Variants in SLC12A2 observed in about 807,000 individuals in gnomAD.
SLC12A2 encodes the protein Na-K-2Cl cotransporter 1.
A neutral mutation model predicts 136.3 loss-of-function variants in SLC12A2; 67 were observed. The ratio of observed to expected loss-of-function variants is 0.49; its 90% CI spans 0.40 to 0.60. SLC12A2 has a LOEUF of 0.60. Ranked by LOEUF, SLC12A2 falls within the 20% of genes least tolerant of loss-of-function variation. The pLI is 0.00. For synonymous variants in SLC12A2, 619 were observed against 562.9 expected, an observed-to-expected ratio of 1.10 and a Z score of -1.41; for missense variants, 1,322 against 1,534.7, an observed-to-expected ratio of 0.86 and a Z score of 2.32.
At chr5:128,100,949 T>C (rs1397829526) in intron 1 of SLC12A2, among the ~76,000 whole-genome samples, 1 of 152,180 alleles carries the variant, frequency 6.6e-6, no homozygotes, top group Non-Finnish European at 1.5e-5. Flanking sequence ...CATGATGGGC[T>C]AGGTAGAGGA....
chr5:128,164,733 T>TAGG (rs1403981826), intron 17 of SLC12A2, among the ~76,000 whole-genome samples: 1 of 152,192 alleles, frequency 6.6e-6, no homozygotes, highest in Admixed American at 6.5e-5. Flanking sequence ...TTACTGGACT[T>TAGG]ACCCTCAATT....
intron 1 of SLC12A2, among the ~76,000 whole-genome samples, chr5:128,097,881 A>G (rs1760602588): frequency 6.6e-6 from 1 of 152,090 alleles, no homozygotes; most frequent in Non-Finnish European, 1.5e-5. Context: ...TCAGTTGGCA[A>G]CAAGTTCTCT....
chr5:128,166,255 T>C (rs1763200969), intron 17 of SLC12A2, among the ~76,000 whole-genome samples: 1 of 151,938 alleles, frequency 6.6e-6, no homozygotes, highest in South Asian at 2.1e-4. Context: ...ATTAGTGACA[T>C]AAATATGAGA....
intron 4 of SLC12A2, among the ~76,000 whole-genome samples, chr5:128,123,803 C>G (rs1761678436): frequency 1.3e-5 from 2 of 152,124 alleles, no homozygotes; most frequent in African/African-American, 4.8e-5. Context: ...ATGTCCAGTT[C>G]ATCACTTTTT....
intron 10 of SLC12A2, among the ~76,000 whole-genome samples, chr5:128,143,919 T>G (rs1196895393): frequency 6.7e-6 from 1 of 149,686 alleles, no homozygotes; most frequent in South Asian, 2.1e-4. Flanking sequence ...ATAAAATTAT[T>G]TATTATAAAT....
rs772020709 is a variant in SLC12A2, at chr5:128,174,570, C to G, written c.2833C>G (p.Pro945Ala). The G allele has an allele frequency of 1.2e-6, 2 of 1,608,078 alleles. No individual in the cohort carries two copies. The highest frequency in any genetic ancestry group is 8.5e-7 in the Non-Finnish European group (1 of 1,176,434). Residue 945 changes from proline to alanine, a missense_variant, in exon 20 of 27, where the codon CCT (proline) becomes GCT (alanine). By Grantham distance (27) the Pro-to-Ala change is conservative. Around this residue, in one of 8 missense-constraint regions of SLC12A2, gnomAD observed 226 missense variants for 210.4 expected, o/e 1.07. Transcript: ENST00000262461. ...ATTATTGTCATCACAAGAGAAATCTCCTGGCACCAAGGATGTGGTAGTAAG... is the reference window on the plus strand; with the variant it reads ...ATTATTGTCATCACAAGAGAAATCTGCTGGCACCAAGGATGTGGTAGTAAG... ...EELLSSQEKS[P>A]GTKDVVVSVE...
Position 128,084,514 on chromosome 5 carries a change from CCGGCGG to C in SLC12A2, c.571_576del (p.Gly191_Gly192del), listed in dbSNP as rs751759733. On this transcript the variant is annotated inframe_deletion, in exon 1 of 27. Coordinates refer to ENST00000262461, the MANE Select transcript of SLC12A2 (RefSeq NM_001046.3). This position sits in a 1 kb window ranked among gnomAD's most constrained non-coding sequence, Gnocchi z 5.6. Reference sequence around the variant, plus strand: ...CTGAGCGAGGGCAGCAGCCTGCACTCCGGCGGCGGCGGCGGCAGTGGGCACCACCAG... The same window carrying C: ...CTGAGCGAGGGCAGCAGCCTGCACTCCGGCGGCGGCAGTGGGCACCACCAG... The C allele has an allele frequency of 6.2e-7, 1 of 1,606,188 alleles. No homozygotes were observed. The highest frequency in any genetic ancestry group is 1.7e-5 in the Admixed American group (1 of 59,432).
At chr5:128,149,123 A>G (rs1762618727) in intron 12 of SLC12A2, among the ~76,000 whole-genome samples, 1 of 151,790 alleles carries the variant, frequency 6.6e-6, no homozygotes, top group South Asian at 2.1e-4. Context: ...TGATAATGGC[A>G]TAAGGGAAAG....
At chr5:128,127,410 C>T (rs1008179431) in intron 4 of SLC12A2, among the ~76,000 whole-genome samples, 5 of 151,974 alleles carry the variant, frequency 3.3e-5, no homozygotes, top group South Asian at 2.1e-4. Context: ...CGTGAGCCAC[C>T]GTGCCTAGCC....
At chr5:128,142,052 C>G (rs2126712594) in intron 10 of SLC12A2, 71 bp downstream of exon 10, 2 of 1,276,196 alleles carry the variant, frequency 1.6e-6, no homozygotes, top group South Asian at 2.6e-5. Flanking sequence ...CAAATATGAC[C>G]ATTCAGAATA....
At chr5:128,184,061 G>A (rs1053876669) in intron 24 of SLC12A2, among the ~76,000 whole-genome samples, 1 of 151,984 alleles carries the variant, frequency 6.6e-6, no homozygotes, top group African/African-American at 2.4e-5. Context: ...ATGTTCCACT[G>A]AGCATTTCCA....
At chr5:128,172,562 G>A (rs1487401692) in intron 19 of SLC12A2, among the ~76,000 whole-genome samples, 2 of 152,166 alleles carry the variant, frequency 1.3e-5, no homozygotes, top group African/African-American at 4.8e-5. Context: ...ATTTTGACAT[G>A]TCAAGAATGG....
At chr5:128,151,044 T>TA (rs1273005484) in intron 13 of SLC12A2, among the ~76,000 whole-genome samples, 197 bp from the exon 14 acceptor site, 3 of 151,980 alleles carry the variant, frequency 2.0e-5, no homozygotes, top group Non-Finnish European at 4.4e-5. Flanking sequence ...TACCTTTTCA[T>TA]AGCCATCAAG....
At chr5:128,186,357 C>T in intron 26 of SLC12A2, 139 bp from the exon 27 acceptor site, 1 of 866,086 alleles carries the variant, frequency 1.2e-6, no homozygotes, top group Non-Finnish European at 1.7e-6. Context: ...CAGAATTCTC[C>T]TGCACTCAGA....
chr5:128,157,349 A>G (rs1762897900), intron 15 of SLC12A2, among the ~76,000 whole-genome samples: 1 of 152,218 alleles, frequency 6.6e-6, no homozygotes, highest in Non-Finnish European at 1.5e-5. Context: ...CCACTGTCTC[A>G]CATTTGCAAA....
At chr5:128,102,582 A>ACCC (rs34780928) in intron 1 of SLC12A2, among the ~76,000 whole-genome samples, 5 of 88,390 alleles carry the variant, frequency 5.7e-5, no homozygotes, top group African/African-American at 1.8e-4. Context: ...TCTGTAATTC[A>ACCC]CCCCCCCCCC....
rs1762170456 is a variant in SLC12A2 at position 128,135,787 on chromosome 5, A to G, written c.1387A>G (p.Lys463Glu). Residue 463 changes from lysine to glutamate, a missense_variant, in exon 7 of 27, where the codon AAA becomes GAA. By Grantham distance (56) the Lys-to-Glu change is moderately conservative (BLOSUM62 1). Transcript: ENST00000262461. ...TFIPLESKKP[K>E]GFFGYKSEIF... ...TATCCCACTGGAGAGCAAGAAGCCA[A>G]AAGGGTTTTTTGGTTATAAATGTAA... 3 of 1,606,954 alleles carry G rather than the reference A, an allele frequency of 1.9e-6. No individual in the cohort carries two copies. Among genetic ancestry groups the G allele is most frequent in the South Asian group, 1.1e-5 (1 of 90,438 alleles).
chr5:128,158,672 A>G (rs893512292), intron 16 of SLC12A2, among the ~76,000 whole-genome samples: 4 of 152,160 alleles, frequency 2.6e-5, no homozygotes, highest in Non-Finnish European at 4.4e-5. Context: ...GTACGCATGC[A>G]TGTGTCTTTA....
At chr5:128,145,981 A>G (rs941816651) in intron 10 of SLC12A2, among the ~76,000 whole-genome samples, 2 of 152,002 alleles carry the variant, frequency 1.3e-5, no homozygotes, top group Admixed American at 6.6e-5. Flanking sequence ...CAAGTTGACA[A>G]TAGTTGAATC....
Sources: allele counts gnomAD v4.1 joint callset (sites outside exome capture counted in the v4.1 genomes callset), GRCh38; gene constraint gnomAD v4.1.1; regional missense constraint gnomAD v4.1.1; non-coding constraint Gnocchi (gnomAD v3.1); transcripts MANE v1.5; gene names NCBI Gene and HGNC (gene_info 2026-07-23, HGNC 2026-07-21).